CCT2: variants seen among roughly 807,000 people sequenced by gnomAD.
The protein encoded by CCT2 is T-complex protein 1 subunit beta.
CCT2 carries 18 observed loss-of-function variants against 61.8 expected under a neutral mutation model. The observed-to-expected ratio is 0.29, with a 90% confidence interval of 0.20 to 0.43. The LOEUF (loss-of-function observed/expected upper bound fraction) is 0.43, where lower values mean the gene tolerates loss of function less well. Among genes scored for constraint, CCT2 ranks in the 20% least tolerant of loss-of-function variants. The pLI, the probability that CCT2 is intolerant of heterozygous loss-of-function variation, is 1.00. For synonymous variants in CCT2, 248 were observed against 215.9 expected (o/e 1.15, Z -1.30); for missense variants, 556 against 656.9 (o/e 0.85, Z 1.68).
rs555424915 is a variant in CCT2 at position 69,601,290 on chromosome 12, C to T, written c.1578-5C>T. On this transcript the variant is annotated splice_polypyrimidine_tract_variant and splice_region_variant and intron_variant, in intron 15 of 15. Transcript: ENST00000299300. ...TCACTATTGACTTTTTTCTTACTCT[C>T]ATAGGAAACGTGTCCCTGATCACCA... 2.0e-5 allele frequency: 32 copies of T among 1,596,116 alleles called. No individual in the cohort carries two copies. The South Asian group carries it at 3.2e-4, about 16-fold the overall frequency.
intron 14 of CCT2, among the ~76,000 whole-genome samples, chr12:69,599,301 C>G (rs1452135160): frequency 6.6e-6 from 1 of 152,260 alleles, no homozygotes; most frequent in East Asian, 1.9e-4. Context: ...CTATGTTGTT[C>G]AGGCTGGCCT....
At chr12:69,589,951 T>C (rs1246434854) in intron 7 of CCT2, among the ~76,000 whole-genome samples, 2 of 152,240 alleles carry the variant, frequency 1.3e-5, no homozygotes, top group Non-Finnish European at 2.9e-5. Flanking sequence ...TGTTTTCTTT[T>C]ACTAGAAATC....
Position 69,585,494 on chromosome 12 carries a change from T to A in CCT2, c.-28T>A. The A allele has an allele frequency of 6.4e-7, 1 of 1,562,546 alleles. No individual in the cohort carries two copies. Among genetic ancestry groups the A allele is most frequent in the Non-Finnish European group, 8.7e-7 (1 of 1,152,468 alleles). ...TCCCGAGCACGAGCTGTGAGGGGAT[T>A]CACTTGTGTGCGGAACTCCTCGGAA... On this transcript the variant is annotated 5_prime_UTR_variant, in exon 1 of 16. Coordinates refer to ENST00000299300, the MANE Select transcript of CCT2 (RefSeq NM_006431.3).
In CCT2 at chr12:69,598,019, C is replaced by T. The variant is rs753130579; in HGVS notation, c.1283C>T (p.Thr428Ile). 36 of 1,613,818 alleles carry T rather than the reference C, an allele frequency of 2.2e-5. No homozygotes were observed. In the South Asian group the frequency reaches 3.7e-4, roughly 17 times the overall value. Residue 428 changes from threonine to isoleucine, a missense_variant, in exon 13 of 16, where the codon ACA becomes ATA. This residue lies in a region of CCT2 where 225 missense variants were observed against 249.8 expected (regional missense o/e 0.90). Transcript: ENST00000299300. ...AHAVTQLANR[T>I]PGKEAVAMES... is the part of the protein sequence containing the mutation. ...GCTGTGACACAGCTTGCCAATAGAA[C>T]ACCAGGCAAAGAAGCTGTTGCAATG...
intron 6 of CCT2, among the ~76,000 whole-genome samples, chr12:69,588,881 G>A (rs1333339091): frequency 6.6e-6 from 1 of 152,132 alleles, no homozygotes; most frequent in East Asian, 1.9e-4. Context: ...CTATTTATTT[G>A]CCCATTCACA....
At chr12:69,600,132 TA>T (rs1330865044) in intron 15 of CCT2, 128 bp downstream of exon 15, 8 of 880,722 alleles carry the variant, frequency 9.1e-6, no homozygotes, top group Non-Finnish European at 1.3e-5. Flanking sequence ...GTAAGTTATT[TA>T]AAATATCACA....
At position 69,598,370 on chromosome 12, in the gene CCT2, G is replaced by A. The variant is rs1882053182; in HGVS notation, c.1384G>A (p.Val462Met). The A allele has an allele frequency of 6.2e-7, 1 of 1,606,118 alleles. No individual in the cohort carries two copies. Among genetic ancestry groups the A allele is most frequent in the Admixed American group, 1.7e-5 (1 of 58,430 alleles). ...DNAGYDSADL[V>M]AQLRAAHSEG... ...TGCAGGCTATGACAGTGCAGACCTG[G>A]TGGCACAGCTCAGGGCTGCTCACAG... Residue 462 changes from valine to methionine, a missense_variant, in exon 14 of 16, where the codon GTG becomes ATG. This residue lies in a region of CCT2 where 225 missense variants were observed against 249.8 expected (regional missense o/e 0.90). Transcript: ENST00000299300.
chr12:69,597,929 C>G, intron 12 of CCT2, 39 bp from the exon 13 acceptor site: 1 of 1,533,218 alleles, frequency 6.5e-7, no homozygotes, highest in Non-Finnish European at 9.0e-7. Context: ...TTGGAGACAA[C>G]TAAGCATTGC....
rs1881615941 is a variant in CCT2, at chr12:69,585,498, T to C, written c.-24T>C. On this transcript the variant is annotated 5_prime_UTR_variant, in exon 1 of 16. Coordinates refer to ENST00000299300, the MANE Select transcript of CCT2 (RefSeq NM_006431.3). ...GAGCACGAGCTGTGAGGGGATTCAC[T>C]TGTGTGCGGAACTCCTCGGAACCAT... 1.3e-6 allele frequency: 2 copies of C among 1,564,044 alleles called. No homozygotes were observed. The highest frequency in any genetic ancestry group is 1.4e-5 in the African/African-American group (1 of 73,962).
intron 2 of CCT2, among the ~76,000 whole-genome samples, 187 bp from the exon 3 acceptor site, chr12:69,586,566 G>A (rs988305405): frequency 1.4e-4 from 22 of 152,040 alleles, no homozygotes; most frequent in African/African-American, 5.1e-4. Context: ...TACTCGGGAG[G>A]CTGAGGCAGG....
At chr12:69,588,829 C>T (rs1281759230) in intron 6 of CCT2, among the ~76,000 whole-genome samples, 2 of 152,182 alleles carry the variant, frequency 1.3e-5, no homozygotes, top group African/African-American at 4.8e-5. Context: ...GAAACCAGTC[C>T]CTGGTGCCAA....
chr12:69,593,574 G>A lies in CCT2; in HGVS notation c.943G>A (p.Ala315Thr). 4 of 1,613,244 alleles carry A rather than the reference G, an allele frequency of 2.5e-6. No individual in the cohort carries two copies. Among genetic ancestry groups the A allele is most frequent in the Non-Finnish European group, 3.4e-6 (4 of 1,179,416 alleles). ...TGCTGGTGTCATGGCTATTGAGCAT[G>A]CAGATTTTGCAGGTGTGGAACGCCT... is the stretch of plus-strand genomic sequence containing the variant. The part of the protein sequence containing the change: ...GAAGVMAIEH[A>T]DFAGVERLAL... Residue 315 changes from alanine to threonine, a missense_variant, in exon 10 of 16, where the codon GCA (alanine) becomes ACA (threonine). Ala to Thr is a moderately conservative substitution (Grantham distance 58). Coordinates refer to ENST00000299300, the MANE Select transcript of CCT2 (RefSeq NM_006431.3).
intron 10 of CCT2, among the ~76,000 whole-genome samples, chr12:69,594,940 A>G (rs757067145): frequency 1.3e-5 from 2 of 152,144 alleles, no homozygotes; most frequent in Non-Finnish European, 2.9e-5. Context: ...TTAGGGATAT[A>G]AGTATAGTTT....
chr12:69,588,014 C>T lies in CCT2; in HGVS notation c.333+8C>T, dbSNP rs1246531499. ...GCAGCAGAATTATTAAGGGTAAGAGCAACTAAGCAACTCTTTTTTCCTACT... is the reference window on the plus strand; with the variant it reads ...GCAGCAGAATTATTAAGGGTAAGAGTAACTAAGCAACTCTTTTTTCCTACT... On this transcript the variant is annotated splice_region_variant and intron_variant, in intron 5 of 15. Transcript: ENST00000299300. 22 of 1,606,980 alleles carry T rather than the reference C, an allele frequency of 1.4e-5. No homozygotes were observed. Among genetic ancestry groups the T allele is most frequent in the Non-Finnish European group, 1.9e-5 (22 of 1,173,730 alleles).
At chr12:69,595,552 G>A (rs1304546974) in intron 10 of CCT2, among the ~76,000 whole-genome samples, 2 of 152,096 alleles carry the variant, frequency 1.3e-5, no homozygotes, top group South Asian at 2.1e-4. Flanking sequence ...GCCAGGCGTG[G>A]TGGTGGGTGC....
Position 69,586,274 on chromosome 12 carries a change from C to T in CCT2, c.8C>T (p.Ser3Phe). 6.2e-7 allele frequency: 1 copy of T among 1,612,644 alleles called. No homozygotes were observed. Among genetic ancestry groups the T allele is most frequent in the Non-Finnish European group, 8.5e-7 (1 of 1,178,616 alleles). ...CCTCTTGGTTTTCCTTTTCAGGCGT[C>T]CCTTTCCCTTGCACCTGTTAACATC... The part of the protein sequence containing the change: MA[S>F]LSLAPVNIFK... Residue 3 changes from serine (S) to phenylalanine (F), a missense_variant, in exon 2 of 16, where the codon TCC becomes TTC. Ser to Phe is a radical substitution (Grantham distance 155, BLOSUM62 -2). Transcript: ENST00000299300.
At chr12:69,592,038 C>T (rs1334707530) in intron 7 of CCT2, 21 bp from the exon 8 acceptor site, 2 of 1,316,210 alleles carry the variant, frequency 1.5e-6, no homozygotes, top group South Asian at 2.4e-5. Flanking sequence ...AAATATGATA[C>T]TGTTCTTATA....
At chr12:69,591,581 G>A (rs1881836594) in intron 7 of CCT2, among the ~76,000 whole-genome samples, 1 of 152,190 alleles carries the variant, frequency 6.6e-6, no homozygotes, top group African/African-American at 2.4e-5. Context: ...ATACAGATGT[G>A]GGTGTAGCGT....
chr12:69,598,585 A>T (rs1162204260), intron 14 of CCT2, among the ~76,000 whole-genome samples, 164 bp downstream of exon 14: 4 of 152,194 alleles, frequency 2.6e-5, no homozygotes, highest in African/African-American at 9.7e-5. Context: ...GTGTGACTTT[A>T]TATGCTCAGC....
Sources: allele counts gnomAD v4.1 joint callset (sites outside exome capture counted in the v4.1 genomes callset), GRCh38; gene constraint gnomAD v4.1.1; regional missense constraint gnomAD v4.1.1; transcripts MANE v1.5; gene names NCBI Gene and HGNC (gene_info 2026-07-23, HGNC 2026-07-21).